RALGPS1: variants seen among roughly 807,000 people sequenced by gnomAD.
The protein encoded by RALGPS1 is ras-specific guanine nucleotide-releasing factor RalGPS1.
A neutral mutation model predicts 78.8 loss-of-function variants in RALGPS1; 19 were observed. The observed-to-expected ratio is 0.24, with a 90% CI of 0.17 to 0.35. The LOEUF is 0.35. RALGPS1 is among the 10% of genes least tolerant of loss of function. The probability of loss-of-function intolerance (pLI) is 1.00; values close to 1 mark genes in which losing one functional copy is unlikely to be tolerated. For synonymous variants in RALGPS1, 228 were observed against 256.3 expected, an observed-to-expected ratio of 0.89 and a Z score of 1.06; for missense variants, 454 against 688.3, an observed-to-expected ratio of 0.66 and a Z score of 3.81.
intron 8 of RALGPS1, among the ~76,000 whole-genome samples, chr9:127,119,512 GTGACTT>G (rs1432703223): frequency 1.3e-5 from 2 of 152,226 alleles, no homozygotes; most frequent in Admixed American, 1.3e-4. Flanking sequence ...ACATAACTGT[GTGACTT>G]TGGGCAAGTT....
chr9:127,204,642 C>T (rs1266962088), intron 14 of RALGPS1, among the ~76,000 whole-genome samples: 1 of 152,200 alleles, frequency 6.6e-6, no homozygotes, highest in Non-Finnish European at 1.5e-5. Flanking sequence ...TCGCTGCAGA[C>T]AGTTGCCCCT....
intron 8 of RALGPS1, among the ~76,000 whole-genome samples, chr9:127,150,457 A>G (rs1041200809): frequency 6.6e-6 from 1 of 152,192 alleles, no homozygotes; most frequent in Non-Finnish European, 1.5e-5. Context: ...CAAGCTCCAA[A>G]TGGGCCTTCT....
Position 126,965,892 on chromosome 9 carries a change from A to C in RALGPS1, c.106A>C (p.Ser36Arg), listed in dbSNP as rs2039441972. The C allele has an allele frequency of 6.2e-7, 1 of 1,614,076 alleles. No homozygotes were observed. Among genetic ancestry groups the C allele is most frequent in the Non-Finnish European group, 8.5e-7 (1 of 1,180,002 alleles). Residue 36 changes from serine to arginine, a missense_variant, in exon 3 of 19, where the codon AGC becomes CGC. Coordinates refer to ENST00000259351, the MANE Select transcript of RALGPS1 (RefSeq NM_014636.3). ...GGAGGGCCAGAGCTGCGACTATGCC[A>C]GCAAGAGCTATGATGCCGTTGTCTT... ...SLEGQSCDYA[S>R]KSYDAVVFDV... is the part of the protein sequence containing the mutation.
At chr9:127,179,020 A>C (rs932728804) in intron 11 of RALGPS1, among the ~76,000 whole-genome samples, 7 of 152,232 alleles carry the variant, frequency 4.6e-5, no homozygotes, top group Non-Finnish European at 1.0e-4. Flanking sequence ...CAACTCTTCA[A>C]GCTCCTTACA....
intron 5 of RALGPS1, among the ~76,000 whole-genome samples, chr9:127,049,712 A>G (rs1317271024): frequency 1.3e-5 from 2 of 152,112 alleles, no homozygotes; most frequent in African/African-American, 2.4e-5. Context: ...TCTGAGCAGG[A>G]ATTCAGTCTG....
At chr9:127,023,801 C>T (rs1228552012) in intron 4 of RALGPS1, among the ~76,000 whole-genome samples, 3 of 152,024 alleles carry the variant, frequency 2.0e-5, no homozygotes, top group African/African-American at 2.4e-5. Flanking sequence ...TTTGGGAGGC[C>T]GAGGTGGGTG....
chr9:127,037,314 G>A (rs2046946954), intron 5 of RALGPS1, among the ~76,000 whole-genome samples: 1 of 152,156 alleles, frequency 6.6e-6, no homozygotes, highest in Non-Finnish European at 1.5e-5. Context: ...GAGGGAATTG[G>A]GAGAAACGTG....
At chr9:126,990,097 G>A in intron 4 of RALGPS1, 3 of 1,383,886 alleles carry the variant, frequency 2.2e-6, no homozygotes, top group Non-Finnish European at 3.0e-6. Context: ...GACAAACCCT[G>A]TGTGTCTTTG....
chr9:127,191,205 C>T (rs984590066), intron 11 of RALGPS1, among the ~76,000 whole-genome samples: 1 of 152,136 alleles, frequency 6.6e-6, no homozygotes, highest in Admixed American at 6.5e-5. Context: ...ATTTTGATGT[C>T]GTTTTTGGTC....
chr9:127,169,873 G>A (rs185422639), intron 10 of RALGPS1, among the ~76,000 whole-genome samples: 1 of 152,294 alleles, frequency 6.6e-6, no homozygotes. Context: ...ATTTAAGGTA[G>A]GCTAGGCTAA....
chr9:127,051,271 A>G (rs2048287745), intron 6 of RALGPS1, among the ~76,000 whole-genome samples: 1 of 152,212 alleles, frequency 6.6e-6, no homozygotes, highest in African/African-American at 2.4e-5. Context: ...CTGGGCTGTC[A>G]GTTTGGAAAT....
chr9:126,980,507 TG>T (rs1449323381), intron 4 of RALGPS1, among the ~76,000 whole-genome samples: 1 of 152,244 alleles, frequency 6.6e-6, no homozygotes, highest in Non-Finnish European at 1.5e-5. Context: ...GGCACCCTAG[TG>T]GTTCCCAGTT....
intron 1 of RALGPS1, among the ~76,000 whole-genome samples, chr9:126,933,986 A>G (rs985621555): frequency 6.6e-6 from 1 of 152,062 alleles, no homozygotes; most frequent in Non-Finnish European, 1.5e-5. Context: ...GTTTTCCCAC[A>G]GTGTCAGTTT....
At chr9:126,932,446 C>T (rs956799717) in intron 1 of RALGPS1, among the ~76,000 whole-genome samples, 4 of 152,184 alleles carry the variant, frequency 2.6e-5, no homozygotes, top group Non-Finnish European at 5.9e-5. Context: ...AGAAGGCATG[C>T]TCAGTCACGC....
chr9:127,027,189 G>A (rs546201195), intron 4 of RALGPS1, among the ~76,000 whole-genome samples: 2 of 152,294 alleles, frequency 1.3e-5, no homozygotes, highest in East Asian at 1.9e-4. Flanking sequence ...TTTGACGAGG[G>A]TAGTAGTGCC....
At chr9:127,053,492 G>C (rs1477642163) in intron 7 of RALGPS1, among the ~76,000 whole-genome samples, 1 of 152,116 alleles carries the variant, frequency 6.6e-6, no homozygotes, top group African/African-American at 2.4e-5. Context: ...AAATATCTCA[G>C]ACCTCTTTAT....
At position 127,031,819 on chromosome 9, in the gene RALGPS1, T is replaced by C. The variant is rs1051410175; in HGVS notation, c.217-2612T>C. Among the ~76,000 whole-genome samples, 6 of 152,328 alleles carry C rather than the reference T, an allele frequency of 3.9e-5. No homozygotes were observed. The East Asian group carries it at 1.2e-3, about 29-fold the overall frequency. ...CTAGTGCGAAAGATTCCTTAGGAAATTGTTAAAACCCAATAACTCCACATA... is the reference window on the plus strand; with the variant it reads ...CTAGTGCGAAAGATTCCTTAGGAAACTGTTAAAACCCAATAACTCCACATA... On this transcript the variant is annotated intron_variant, in intron 4 of 18. Coordinates refer to ENST00000259351, the MANE Select transcript of RALGPS1 (RefSeq NM_014636.3).
intron 4 of RALGPS1, among the ~76,000 whole-genome samples, chr9:127,007,431 G>A (rs1259017268): frequency 1.3e-5 from 2 of 152,278 alleles, no homozygotes; most frequent in East Asian, 1.9e-4. Context: ...ATGGAAGGAA[G>A]ACATGACTTG....
chr9:127,164,381 G>A (rs889121770), intron 8 of RALGPS1, among the ~76,000 whole-genome samples: 1 of 150,402 alleles, frequency 6.6e-6, no homozygotes, highest in Admixed American at 6.6e-5. Context: ...GATTACAGGC[G>A]CCCACCACCA....
Sources: allele counts gnomAD v4.1 joint callset (sites outside exome capture counted in the v4.1 genomes callset), GRCh38; gene constraint gnomAD v4.1.1; transcripts MANE v1.5; gene names NCBI Gene and HGNC (gene_info 2026-07-23, HGNC 2026-07-21).